LMO7: variants seen among roughly 807,000 people sequenced by gnomAD.
LMO7 encodes the protein LIM domain 7.
LMO7 carries 120 observed loss-of-function variants against 206.5 expected under a neutral mutation model. The ratio of observed to expected loss-of-function variants is 0.58; its 90% CI spans 0.50 to 0.68. The LOEUF (loss-of-function observed/expected upper bound fraction) is 0.68. Among genes scored for constraint, LMO7 ranks in the 30% least tolerant of loss-of-function variants. LMO7 has a pLI of 0.00. For missense variants in LMO7, 1,959 were observed against 1,957.9 expected (o/e 1.00, Z -0.01); for synonymous variants, 706 against 681.5 (o/e 1.04, Z -0.56).
At chr13:75,655,160 T>C (rs947823984) in intron 1 of LMO7, among the ~76,000 whole-genome samples, 2 of 152,202 alleles carry the variant, frequency 1.3e-5, no homozygotes, top group Non-Finnish European at 2.9e-5. Context: ...CGTGAGCCAC[T>C]GTGCCTGGCC....
chr13:75,798,936 A>G (rs1461531209), intron 6 of LMO7, among the ~76,000 whole-genome samples: 1 of 152,272 alleles, frequency 6.6e-6, no homozygotes, highest in Non-Finnish European at 1.5e-5. Context: ...GCCTTAACAA[A>G]TACGTGTTTG....
At chr13:75,740,093 A>G (rs989392565) in intron 3 of LMO7, among the ~76,000 whole-genome samples, 1 of 152,248 alleles carries the variant, frequency 6.6e-6, no homozygotes, top group Non-Finnish European at 1.5e-5. Flanking sequence ...GTATGGTTGA[A>G]GAGAAAATAC....
chr13:75,721,548 T>C (rs1231801935), intron 2 of LMO7, among the ~76,000 whole-genome samples: 1 of 152,190 alleles, frequency 6.6e-6, no homozygotes, highest in Non-Finnish European at 1.5e-5. Flanking sequence ...AAACAAAACA[T>C]TGTTTTGTTT....
intron 1 of LMO7, among the ~76,000 whole-genome samples, chr13:75,705,179 C>T (rs182424011): frequency 6.6e-6 from 1 of 152,172 alleles, no homozygotes; most frequent in Non-Finnish European, 1.5e-5. Flanking sequence ...CGCTTCCTAG[C>T]TTCTTTGCCA....
chr13:75,800,554 G>A, intron 6 of LMO7, 130 bp from the exon 7 acceptor site: 1 of 775,560 alleles, frequency 1.3e-6, no homozygotes, highest in African/African-American at 1.7e-5. Context: ...GTGTCCGACA[G>A]AGAAACCTCA....
chr13:75,804,990 C>T (rs768099432), intron 8 of LMO7: 18 of 998,052 alleles, frequency 1.8e-5, no homozygotes, highest in South Asian at 4.6e-5. Flanking sequence ...TGAGGATGAA[C>T]GAAGGTTTCC....
intron 15 of LMO7, among the ~76,000 whole-genome samples, chr13:75,824,287 A>G (rs1019990802): frequency 5.9e-5 from 9 of 152,218 alleles, no homozygotes; most frequent in Non-Finnish European, 8.8e-5. Context: ...GGCCGCAAGG[A>G]AAAACATGAT....
intron 3 of LMO7, among the ~76,000 whole-genome samples, chr13:75,737,455 T>TTA (rs1566371238): frequency 2.0e-5 from 3 of 146,452 alleles, no homozygotes; most frequent in African/African-American, 5.0e-5. Context: ...ATACCTTTTT[T>TTA]AAAAAAAAAA....
intron 8 of LMO7, 142 bp from the exon 9 acceptor site, chr13:75,805,337 A>C: frequency 1.0e-6 from 1 of 999,020 alleles, no homozygotes; most frequent in Non-Finnish European, 1.4e-6. Context: ...ACTTTGTCCT[A>C]GGAGCTGTGG....
rs1362600513 is a variant in LMO7, at chr13:75,834,377, T to C, written c.3216T>C (p.Tyr1072=). Reference sequence around the variant, plus strand: ...ACCTAGTGATGGATGTGAGGCGCTATGGAAAGGCTGGTGAGTTTGTGTTAC... The same window carrying C: ...ACCTAGTGATGGATGTGAGGCGCTACGGAAAGGCTGGTGAGTTTGTGTTAC... ...TGHLVMDVRR[Y]GKAGSPETKW... is the part of the protein sequence containing the mutation. The change falls in exon 17 of 31, where the codon TAT becomes TAC. Residue 1072 remains tyrosine, a synonymous_variant. Coordinates refer to ENST00000377534, the MANE Select transcript of LMO7 (RefSeq NM_001306080.2). The C allele has an allele frequency of 6.3e-7, 1 of 1,596,378 alleles. No homozygotes were observed. The highest frequency in any genetic ancestry group is 1.1e-5 in the South Asian group (1 of 87,604).
chr13:75,777,566 C>T (rs1480554441), intron 4 of LMO7, among the ~76,000 whole-genome samples: 2 of 151,884 alleles, frequency 1.3e-5, no homozygotes, highest in Non-Finnish European at 2.9e-5. Context: ...TGGAAGGTGG[C>T]CTTAAATTCA....
rs189733125 is a variant in LMO7 at position 75,796,732 on chromosome 13, G to C, written c.445G>C (p.Gly149Arg). 5.6e-6 allele frequency: 9 copies of C among 1,607,376 alleles called. No individual in the cohort carries two copies. The East Asian group carries it at 1.3e-4, about 24-fold the overall frequency. The change falls in exon 6 of 31, where the codon GGA becomes CGA. Residue 149 changes from glycine to arginine, a missense_variant. Gly to Arg is a moderately radical substitution (Grantham distance 125). Transcript: ENST00000377534. ...LNLKAFENLL[G>R]QALTKALEDS... is the part of the protein sequence containing the mutation. ...TTTGAAAGCGTTTGAGAATCTTTTAGGACAAGCACTGACGAAGGTAAGTAA... is the reference window on the plus strand; with the variant it reads ...TTTGAAAGCGTTTGAGAATCTTTTACGACAAGCACTGACGAAGGTAAGTAA...
upstream of LMO7, chr13:75,636,271 T>C (rs931231635): frequency 2.1e-6 from 1 of 477,086 alleles, no homozygotes; most frequent in Non-Finnish European, 2.4e-6. Context: ...GGCGGTGGGG[T>C]GGGCCGGGGC....
intron 28 of LMO7, among the ~76,000 whole-genome samples, chr13:75,854,533 G>A (rs2060762832): frequency 6.6e-6 from 1 of 152,142 alleles, no homozygotes; most frequent in Non-Finnish European, 1.5e-5. Context: ...GATCTAGGAG[G>A]TGGTCCTCTT....
intron 20 of LMO7, chr13:75,839,837 C>T: frequency 2.5e-6 from 1 of 398,746 alleles, no homozygotes; most frequent in Non-Finnish European, 4.5e-6. Context: ...ACTCTAATAC[C>T]TAGAGCTAGG....
chr13:75,776,528 A>ACATAC (rs2050526427), intron 4 of LMO7, among the ~76,000 whole-genome samples: 2 of 152,134 alleles, frequency 1.3e-5, no homozygotes, highest in African/African-American at 4.8e-5. Context: ...GACTTTGATA[A>ACATAC]CATACCCATT....
chr13:75,671,065 T>C (rs929330664), intron 1 of LMO7, among the ~76,000 whole-genome samples: 4 of 150,060 alleles, frequency 2.7e-5, no homozygotes, highest in African/African-American at 9.8e-5. Flanking sequence ...ATCATCGATA[T>C]CACTGTCTTC....
At chr13:75,776,277 G>A (rs918552820) in intron 4 of LMO7, among the ~76,000 whole-genome samples, 9 of 143,356 alleles carry the variant, frequency 6.3e-5, no homozygotes, top group Admixed American at 2.9e-4. Context: ...TCATAAAATC[G>A]TGGGAATTAC....
chr13:75,621,665 G>C (rs2033320245), exon 1 of LMO7: 1 of 1,450,526 alleles, frequency 6.9e-7, no homozygotes, highest in Admixed American at 1.9e-5. Context: ...ACGGTCTAAA[G>C]CTATTTTAAT....
Sources: gnomAD v4.1 joint callset for allele counts (sites outside exome capture counted in the v4.1 genomes callset) on GRCh38, gnomAD v4.1.1 for gene constraint, MANE v1.5 for transcripts, NCBI Gene and HGNC (gene_info 2026-07-23, HGNC 2026-07-21) for gene names.